Variants in FGF14 observed in about 807,000 individuals in gnomAD.
FGF14 encodes the protein fibroblast growth factor 14.
A neutral mutation model predicts 25.5 loss-of-function variants in FGF14; 5 were observed. The ratio of observed to expected loss-of-function variants is 0.20; its 90% CI spans 0.10 to 0.41. FGF14 has a LOEUF of 0.41. FGF14 is among the 10% of genes least tolerant of loss of function. FGF14 has a pLI of 1.00. For missense variants in FGF14, 222 were observed against 320.1 expected, an observed-to-expected ratio of 0.69 and a Z score of 2.34; for synonymous variants, 138 against 118.3, an observed-to-expected ratio of 1.17 and a Z score of -1.08.
chr13:102,160,279 C>A, intron 1 of FGF14, among the ~76,000 whole-genome samples: 1 of 152,180 alleles, frequency 6.6e-6, no homozygotes, highest in Admixed American at 6.5e-5. Flanking sequence ...CCAACTGTTT[C>A]TGGATGCTGG....
chr13:101,969,237 T>C (rs1566510901), intron 1 of FGF14, among the ~76,000 whole-genome samples: 1 of 152,176 alleles, frequency 6.6e-6, no homozygotes, highest in African/African-American at 2.4e-5. Flanking sequence ...CAACTTCATC[T>C]GGTCTGGTTA....
intron 1 of FGF14, among the ~76,000 whole-genome samples, chr13:102,222,221 G>C (rs888732978): frequency 6.6e-6 from 1 of 152,096 alleles, no homozygotes; most frequent in African/African-American, 2.4e-5. Flanking sequence ...CGAGGACTTT[G>C]TTTACACTGT....
chr13:101,843,312 T>C (rs2043283387), intron 3 of FGF14, among the ~76,000 whole-genome samples: 1 of 151,968 alleles, frequency 6.6e-6, no homozygotes, highest in Non-Finnish European at 1.5e-5. Flanking sequence ...GGGGGCGATG[T>C]GTATTACAAT....
intron 3 of FGF14, among the ~76,000 whole-genome samples, chr13:101,745,656 T>A (rs2036837670): frequency 6.6e-6 from 1 of 152,136 alleles, no homozygotes; most frequent in African/African-American, 2.4e-5. Context: ...AATATGCATT[T>A]AAGCTCCCTT....
intron 1 of FGF14, among the ~76,000 whole-genome samples, chr13:102,128,956 G>T (rs1365450576): frequency 1.3e-5 from 2 of 152,114 alleles, no homozygotes; most frequent in African/African-American, 4.8e-5. Context: ...TGTGGCAGGC[G>T]CCTGTAATCT....
At chr13:101,873,173 G>A (rs1177153726) in intron 2 of FGF14, among the ~76,000 whole-genome samples, 5 of 152,096 alleles carry the variant, frequency 3.3e-5, no homozygotes. Flanking sequence ...TTTAGAAAGT[G>A]CTTATTCAAT....
chr13:102,211,122 T>C (rs2140920791), intron 1 of FGF14, among the ~76,000 whole-genome samples: 1 of 152,230 alleles, frequency 6.6e-6, no homozygotes, highest in African/African-American at 2.4e-5. Context: ...GAAAATATTA[T>C]AGTTATAATG....
At chr13:101,903,448 T>C (rs965297397) in intron 1 of FGF14, among the ~76,000 whole-genome samples, 1 of 152,322 alleles carries the variant, frequency 6.6e-6, no homozygotes, top group African/African-American at 2.4e-5. Context: ...TAATGAGACT[T>C]GTTAAGATAA....
chr13:102,070,323 C>T (rs1205049621), intron 1 of FGF14, among the ~76,000 whole-genome samples: 1 of 152,168 alleles, frequency 6.6e-6, no homozygotes, highest in African/African-American at 2.4e-5. Flanking sequence ...ATCAAAACTA[C>T]AATGAGATAT....
intron 1 of FGF14, among the ~76,000 whole-genome samples, chr13:102,289,958 C>T (rs1049138639): frequency 1.2e-4 from 19 of 152,050 alleles, no homozygotes; most frequent in African/African-American, 3.4e-4. Flanking sequence ...GAAGTCAGAA[C>T]GTGGTAGCCT....
chr13:101,877,971 C>T (rs1362025219), intron 1 of FGF14, among the ~76,000 whole-genome samples: 1 of 152,148 alleles, frequency 6.6e-6, no homozygotes, highest in Non-Finnish European at 1.5e-5. Context: ...CCCTCATTAC[C>T]TCTCTTAGGT....
At chr13:102,203,336 A>G (rs1480022397) in intron 1 of FGF14, among the ~76,000 whole-genome samples, 4 of 152,224 alleles carry the variant, frequency 2.6e-5, no homozygotes, top group Non-Finnish European at 5.9e-5. Context: ...ATGTATGTGA[A>G]GACTTTTGTT....
At chr13:101,985,325 A>G (rs1185222255) in intron 1 of FGF14, among the ~76,000 whole-genome samples, 3 of 152,100 alleles carry the variant, frequency 2.0e-5, no homozygotes, top group East Asian at 1.9e-4. Context: ...ATTTAGAAAA[A>G]GAAGAGTTAT....
At chr13:102,346,058 T>G (rs890398138) in intron 1 of FGF14, among the ~76,000 whole-genome samples, 2 of 152,200 alleles carry the variant, frequency 1.3e-5, no homozygotes, top group Non-Finnish European at 2.9e-5. Flanking sequence ...TTATCAAATG[T>G]GTAGTAACAC....
intron 1 of FGF14, among the ~76,000 whole-genome samples, chr13:101,945,841 T>C (rs1015139579): frequency 1.7e-4 from 26 of 152,196 alleles, no homozygotes; most frequent in African/African-American, 5.8e-4. Flanking sequence ...CGGAGCATTA[T>C]GGCACTGTTG....
intron 1 of FGF14, among the ~76,000 whole-genome samples, chr13:102,078,743 G>A (rs141240444): frequency 4.6e-5 from 7 of 152,174 alleles, no homozygotes; most frequent in Non-Finnish European, 7.4e-5. Flanking sequence ...GAGCCATGAC[G>A]TTGGAAACTC....
chr13:101,992,213 TAA>T (rs1268744985), intron 1 of FGF14, among the ~76,000 whole-genome samples: 1 of 152,134 alleles, frequency 6.6e-6, no homozygotes, highest in Non-Finnish European at 1.5e-5. Context: ...GATGCTATTT[TAA>T]AAGTCTTTTG....
At chr13:102,383,089 A>C (rs2139185304) in intron 1 of FGF14, among the ~76,000 whole-genome samples, 1 of 152,194 alleles carries the variant, frequency 6.6e-6, no homozygotes, top group African/African-American at 2.4e-5. Flanking sequence ...TAAAAGGGTA[A>C]ATTTTATGGT....
intron 3 of FGF14, among the ~76,000 whole-genome samples, chr13:101,731,494 T>C (rs1241403274): frequency 6.6e-6 from 1 of 152,172 alleles, no homozygotes; most frequent in Non-Finnish European, 1.5e-5. Flanking sequence ...ACAGAAATGT[T>C]ATATCTTTTT....
Sources: gnomAD v4.1 joint callset for allele counts (sites outside exome capture counted in the v4.1 genomes callset) on GRCh38, gnomAD v4.1.1 for gene constraint, MANE v1.5 for transcripts, NCBI Gene and HGNC (gene_info 2026-07-23, HGNC 2026-07-21) for gene names.